The following GPR158 variants were observed in gnomAD, a reference collection of about 807,000 sequenced individuals.
GPR158 encodes the protein G protein-coupled receptor 158, also known as metabotropic glycine receptor.
Under a neutral mutation model 78.2 loss-of-function variants are expected in GPR158, and 30 were observed. The ratio of observed to expected loss-of-function variants is 0.38; its 90% confidence interval spans 0.29 to 0.52. The LOEUF is 0.52. Among genes scored for constraint, GPR158 ranks in the 20% least tolerant of loss-of-function variants. The probability of loss-of-function intolerance (pLI) is 0.83; values close to 1 mark genes in which losing one functional copy is unlikely to be tolerated. For missense variants in GPR158, 1,463 were observed against 1,523.5 expected, an observed-to-expected ratio of 0.96 and a Z score of 0.66; for synonymous variants, 581 against 591.1, an observed-to-expected ratio of 0.98 and a Z score of 0.25.
At chr10:25,194,785 T>C (rs1171466078) in intron 1 of GPR158, among the ~76,000 whole-genome samples, 1 of 152,224 alleles carries the variant, frequency 6.6e-6, no homozygotes, top group Non-Finnish European at 1.5e-5. Flanking sequence ...TCTCCATTGT[T>C]TTATTATAGT....
intron 5 of GPR158, among the ~76,000 whole-genome samples, chr10:25,543,670 T>C (rs1836620565): frequency 1.3e-5 from 2 of 152,190 alleles, no homozygotes; most frequent in South Asian, 4.1e-4. Flanking sequence ...TTCCATACTC[T>C]ATGTCCCTGG....
chr10:25,319,507 A>C (rs886904356), intron 2 of GPR158, among the ~76,000 whole-genome samples: 16 of 152,190 alleles, frequency 1.1e-4, no homozygotes, highest in Admixed American at 9.8e-4. Flanking sequence ...CTCATATTTG[A>C]TACCCTGGTT....
chr10:25,196,181 T>C (rs1002774539), intron 1 of GPR158, among the ~76,000 whole-genome samples: 3 of 152,064 alleles, frequency 2.0e-5, no homozygotes, highest in Admixed American at 1.3e-4. Context: ...ATATTTGACT[T>C]TCTGGATAGA....
chr10:25,334,823 C>A (rs1855175057), intron 2 of GPR158, among the ~76,000 whole-genome samples: 1 of 151,620 alleles, frequency 6.6e-6, no homozygotes, highest in Non-Finnish European at 1.5e-5. Context: ...TTTTGCTCAA[C>A]TCAATGCTTT....
At chr10:25,264,171 G>A (rs1854008839) in intron 2 of GPR158, among the ~76,000 whole-genome samples, 1 of 152,064 alleles carries the variant, frequency 6.6e-6, no homozygotes, top group Admixed American at 6.6e-5. Context: ...CCAATATCCA[G>A]TCCTTTGTAC....
In GPR158 at chr10:25,598,904, C is replaced by T; in HGVS notation, c.3278C>T (p.Pro1093Leu). Residue 1093 changes from proline (P) to leucine (L), a missense_variant, in exon 11 of 11, where the codon CCA (proline) becomes CTA (leucine). By Grantham distance (98) the Pro-to-Leu change is moderately conservative (BLOSUM62 -3). Coordinates refer to ENST00000376351, the MANE Select transcript of GPR158 (RefSeq NM_020752.3). Reference sequence around the variant, plus strand: ...GAGAAGCTTTTGATTTCCAAGACTCCAGTTCTCCCAGAGAGGGCAAAAGAG... The same window carrying T: ...GAGAAGCTTTTGATTTCCAAGACTCTAGTTCTCCCAGAGAGGGCAAAAGAG... Reference protein sequence around the residue: ...EDEKLLISKTPVLPERAKEEN... With the variant: ...EDEKLLISKTLVLPERAKEEN... 1 of 1,614,004 alleles carries T rather than the reference C, an allele frequency of 6.2e-7. No homozygotes were observed. The highest frequency in any genetic ancestry group is 8.5e-7 in the Non-Finnish European group (1 of 1,179,982).
At chr10:25,593,813 A>G (rs1289654285) in intron 8 of GPR158, among the ~76,000 whole-genome samples, 1 of 151,882 alleles carries the variant, frequency 6.6e-6, no homozygotes, top group Non-Finnish European at 1.5e-5. Flanking sequence ...TATCCATTAA[A>G]TTGTTTTATT....
intron 2 of GPR158, among the ~76,000 whole-genome samples, chr10:25,287,009 G>A (rs1012462799): frequency 2.6e-5 from 4 of 151,930 alleles, no homozygotes; most frequent in Admixed American, 6.6e-5. Context: ...TGCTATCCTC[G>A]TGGTGAGGGT....
At position 25,563,312 on chromosome 10, in the gene GPR158, C is replaced by T. The variant is rs577811019; in HGVS notation, c.1515-9337C>T. ...ATTTACATAGAATATCATTTGCTAC[C>T]TTTTTATTTACAAACTATTATTTCA... On this transcript the variant is annotated intron_variant, in intron 6 of 10. Coordinates refer to ENST00000376351, the MANE Select transcript of GPR158 (RefSeq NM_020752.3). Among the ~76,000 whole-genome samples, 10 of 149,482 alleles carry T rather than the reference C, an allele frequency of 6.7e-5. No homozygotes were observed. In the South Asian group the frequency reaches 1.7e-3, roughly 26 times the overall value.
chr10:25,189,300 T>C (rs547272752), intron 1 of GPR158, among the ~76,000 whole-genome samples: 21 of 152,280 alleles, frequency 1.4e-4, no homozygotes, highest in African/African-American at 5.1e-4. Context: ...GCCCAAAGGA[T>C]TATAAATCAT....
chr10:25,561,852 G>T (rs1188690919), intron 6 of GPR158, among the ~76,000 whole-genome samples: 1 of 152,070 alleles, frequency 6.6e-6, no homozygotes, highest in East Asian at 1.9e-4. Flanking sequence ...GATGAATAAG[G>T]AAGGGTGCAT....
intron 2 of GPR158, among the ~76,000 whole-genome samples, chr10:25,254,747 T>G (rs552665902): frequency 6.6e-6 from 1 of 152,362 alleles, no homozygotes; most frequent in East Asian, 1.9e-4. Context: ...GATTGGAGAC[T>G]GAAACTTCTT....
chr10:25,583,092 G>A (rs1006383695), intron 7 of GPR158, among the ~76,000 whole-genome samples: 6 of 152,164 alleles, frequency 3.9e-5, no homozygotes, highest in Non-Finnish European at 7.4e-5. Context: ...GCTGGAGAAC[G>A]GAGGTTCTCT....
intron 2 of GPR158, among the ~76,000 whole-genome samples, chr10:25,357,915 C>A (rs578067028): frequency 6.6e-6 from 1 of 152,206 alleles, no homozygotes; most frequent in South Asian, 2.1e-4. Flanking sequence ...CACTCAACAG[C>A]AGCCTGTGAA....
intron 4 of GPR158, among the ~76,000 whole-genome samples, 153 bp downstream of exon 4, chr10:25,412,626 G>A (rs1344712952): frequency 6.6e-6 from 1 of 152,162 alleles, no homozygotes; most frequent in Non-Finnish European, 1.5e-5. Context: ...ATATTCTTTA[G>A]CTGACCAGAA....
intron 2 of GPR158, among the ~76,000 whole-genome samples, chr10:25,238,472 T>G (rs184155520): frequency 4.7e-4 from 72 of 152,330 alleles, no homozygotes; most frequent in Non-Finnish European, 7.5e-4. Context: ...TTATATACAT[T>G]TGAAAAACAA....
At chr10:25,517,293 G>A (rs1445430280) in intron 5 of GPR158, among the ~76,000 whole-genome samples, 2 of 151,616 alleles carry the variant, frequency 1.3e-5, no homozygotes, top group African/African-American at 2.4e-5. Context: ...GGGTTTTCTA[G>A]ATAAACAATC....
chr10:25,406,314 G>A (rs1588848076), intron 3 of GPR158, among the ~76,000 whole-genome samples: 1 of 152,114 alleles, frequency 6.6e-6, no homozygotes, highest in Non-Finnish European at 1.5e-5. Context: ...CAGATCTGAA[G>A]GGCATTGTAT....
At chr10:25,489,865 T>C (rs1208441108) in intron 5 of GPR158, among the ~76,000 whole-genome samples, 1 of 152,090 alleles carries the variant, frequency 6.6e-6, no homozygotes, top group East Asian at 1.9e-4. Context: ...TCATACAAAT[T>C]AGAAATATAA....
Sources: gnomAD v4.1 joint callset for allele counts (sites outside exome capture counted in the v4.1 genomes callset) on GRCh38, gnomAD v4.1.1 for gene constraint, MANE v1.5 for transcripts, NCBI Gene and HGNC (gene_info 2026-07-23, HGNC 2026-07-21) for gene names.